PRKG1: variants seen among roughly 807,000 people sequenced by gnomAD.
PRKG1 encodes protein kinase cGMP-dependent 1, also known as cGMP-dependent protein kinase 1.
Under a neutral mutation model 88.1 loss-of-function variants are expected in PRKG1, and 35 were observed. That is an observed-to-expected ratio of 0.40 (90% CI 0.30 to 0.53). PRKG1 has a LOEUF of 0.53. Ranked by LOEUF, PRKG1 falls within the 20% of genes least tolerant of loss-of-function variation. PRKG1 has a pLI of 0.59. For synonymous variants in PRKG1, 303 were observed against 292.5 expected (o/e 1.04, Z -0.37); for missense variants, 540 against 839.8 (o/e 0.64, Z 4.41).
rs994075274 is a variant in PRKG1 at position 51,957,007 on chromosome 10, TTCTC to T, written c.762+49447_762+49450del. On this transcript the variant is annotated intron_variant, in intron 5 of 17. Coordinates refer to ENST00000373980, the MANE Select transcript of PRKG1 (RefSeq NM_006258.4). ...CTCTTTCTTTCCTCTTTCTCTTTCT[TTCTC>T]TCTCTCTCTTTTCCTTTTTTCCTTC... is the stretch of plus-strand genomic sequence containing the variant. 2.0e-5 allele frequency among the ~76,000 whole-genome samples: 3 copies of T among 150,744 alleles called. No individual in the cohort carries two copies. In the South Asian group the frequency reaches 6.3e-4, roughly 32 times the overall value.
At chr10:51,251,839 C>T (rs547233624) in intron 2 of PRKG1, among the ~76,000 whole-genome samples, 1 of 151,882 alleles carries the variant, frequency 6.6e-6, no homozygotes, top group Non-Finnish European at 1.5e-5. Context: ...TCTCCTAGAT[C>T]TTGAGTTAAT....
intron 3 of PRKG1, among the ~76,000 whole-genome samples, chr10:51,532,796 T>C (rs1842050843): frequency 6.6e-6 from 1 of 152,198 alleles, no homozygotes; most frequent in Non-Finnish European, 1.5e-5. Context: ...CCCAAATTTA[T>C]TGACTTTATT....
At position 52,253,806 on chromosome 10, in the gene PRKG1, C is replaced by T. The variant is rs143825987; in HGVS notation, c.1173+2140C>T. 3.2e-4 allele frequency among the ~76,000 whole-genome samples: 49 copies of T among 152,006 alleles called. No individual in the cohort carries two copies. In the East Asian group the frequency reaches 9.0e-3, roughly 28 times the overall value. On this transcript the variant is annotated intron_variant, in intron 10 of 17. Transcript: ENST00000373980. ...CACTTTGCAAAAACTGTAGATATTA[C>T]TGCTGAGTGATAAATTCAAAATGGA...
chr10:51,141,934 C>T (rs977071669), intron 1 of PRKG1, among the ~76,000 whole-genome samples: 54 of 152,072 alleles, frequency 3.6e-4, no homozygotes, highest in African/African-American at 1.0e-3. Flanking sequence ...ACATTAATTA[C>T]GAAATCTGCC....
At chr10:51,616,860 C>CA (rs1839070446) in intron 3 of PRKG1, among the ~76,000 whole-genome samples, 1 of 152,048 alleles carries the variant, frequency 6.6e-6, no homozygotes, top group African/African-American at 2.4e-5. Flanking sequence ...TCCTCAGGAC[C>CA]AAAAAGGTGG....
intron 3 of PRKG1, among the ~76,000 whole-genome samples, chr10:51,779,659 C>T (rs562774988): frequency 1.9e-4 from 29 of 152,242 alleles, no homozygotes; most frequent in African/African-American, 6.3e-4. Flanking sequence ...ACCCTAACTC[C>T]TGGACCACCT....
chr10:52,183,904 G>A (rs551998389), intron 9 of PRKG1, among the ~76,000 whole-genome samples: 86 of 152,296 alleles, frequency 5.6e-4, no homozygotes, highest in African/African-American at 1.9e-3. Context: ...TGGCAATGGG[G>A]GCTGCTAGTG....
At chr10:52,266,344 T>G (rs1841569304) in intron 10 of PRKG1, among the ~76,000 whole-genome samples, 1 of 151,986 alleles carries the variant, frequency 6.6e-6, no homozygotes, top group Non-Finnish European at 1.5e-5. Flanking sequence ...GCATTAGTTA[T>G]TTCTCCTGAT....
chr10:51,855,039 A>C (rs1840645435), intron 4 of PRKG1, among the ~76,000 whole-genome samples: 1 of 152,230 alleles, frequency 6.6e-6, no homozygotes, highest in African/African-American at 2.4e-5. Flanking sequence ...AGCAAATAAT[A>C]AATTGGTTTC....
intron 3 of PRKG1, among the ~76,000 whole-genome samples, chr10:51,497,870 G>C (rs74132517): frequency 0.018 from 2,693 of 152,204 alleles, 58 homozygotes; most frequent in African/African-American, 0.046. Flanking sequence ...TAGTATGGGA[G>C]GAAAATCCAC....
chr10:52,111,273 ATC>A (rs2132589892), intron 7 of PRKG1, among the ~76,000 whole-genome samples: 1 of 152,336 alleles, frequency 6.6e-6, no homozygotes, highest in African/African-American at 2.4e-5. Flanking sequence ...AAATTAAACA[ATC>A]TATGTACAGC....
intron 1 of PRKG1, among the ~76,000 whole-genome samples, chr10:51,037,367 G>A (rs1051632378): frequency 7.9e-5 from 12 of 152,182 alleles, no homozygotes; most frequent in African/African-American, 2.9e-4. Context: ...ACTCAGCTGA[G>A]GTGGGAGGAT....
chr10:51,548,679 G>C (rs150192388), intron 3 of PRKG1, among the ~76,000 whole-genome samples: 176 of 152,118 alleles, frequency 1.2e-3, no homozygotes, highest in African/African-American at 4.1e-3. Context: ...GCATTTTTGT[G>C]TTCTCTTTTA....
At chr10:51,675,246 A>G (rs1477749396) in intron 3 of PRKG1, among the ~76,000 whole-genome samples, 2 of 152,220 alleles carry the variant, frequency 1.3e-5, no homozygotes, top group African/African-American at 2.4e-5. Flanking sequence ...TATGACCACT[A>G]TGTCCTAAAC....
chr10:51,347,990 G>C (rs995600504), intron 2 of PRKG1, among the ~76,000 whole-genome samples: 6 of 152,044 alleles, frequency 3.9e-5, no homozygotes, highest in African/African-American at 1.4e-4. Flanking sequence ...GTGAACCCGG[G>C]AGGCGGAGCT....
intron 3 of PRKG1, among the ~76,000 whole-genome samples, chr10:51,595,030 C>A (rs868855372): frequency 3.5e-4 from 53 of 152,040 alleles, no homozygotes; most frequent in African/African-American, 1.2e-3. Context: ...ATAATGGAAT[C>A]CTGTGGATCC....
chr10:51,679,144 T>A (rs2132364685), intron 3 of PRKG1, among the ~76,000 whole-genome samples: 1 of 152,334 alleles, frequency 6.6e-6, no homozygotes, highest in Non-Finnish European at 1.5e-5. Context: ...TTCCTACAAA[T>A]GTCCTCTTGC....
chr10:51,638,609 A>G (rs903726160), intron 3 of PRKG1, among the ~76,000 whole-genome samples: 10 of 152,190 alleles, frequency 6.6e-5, no homozygotes, highest in African/African-American at 2.4e-4. Flanking sequence ...CCGTCTTCAA[A>G]AGGCATATAG....
intron 3 of PRKG1, among the ~76,000 whole-genome samples, chr10:51,692,175 G>A (rs1391690616): frequency 6.6e-6 from 1 of 151,948 alleles, no homozygotes; most frequent in Non-Finnish European, 1.5e-5. Context: ...TGATATTTCC[G>A]ATATGGAGTA....
Sources: gnomAD v4.1 joint callset for allele counts (sites outside exome capture counted in the v4.1 genomes callset) on GRCh38, gnomAD v4.1.1 for gene constraint, MANE v1.5 for transcripts, NCBI Gene and HGNC (gene_info 2026-07-23, HGNC 2026-07-21) for gene names.